Variants in CNTRL observed in about 807,000 individuals in gnomAD.
CNTRL encodes the protein 110 kDa centrosomal protein.
A neutral mutation model predicts 303.7 loss-of-function variants in CNTRL; 233 were observed. The observed-to-expected ratio is 0.77, with a 90% confidence interval of 0.69 to 0.86. The LOEUF (loss-of-function observed/expected upper bound fraction) is 0.86. Ranked by LOEUF, CNTRL falls within the 40% of genes least tolerant of loss-of-function variation. The pLI is 0.00. For synonymous variants in CNTRL, 900 were observed against 922.2 expected (o/e 0.98, Z 0.44); for missense variants, 2,524 against 2,650.6 (o/e 0.95, Z 1.05).
Position 121,140,723 on chromosome 9 carries a change from A to G in CNTRL, c.2420A>G (p.Glu807Gly), listed in dbSNP as rs143382241. ...NHVVDGLVRP[E>G]EVAARVDELR... ...GTGGTTGATGGTTTGGTTCGTCCAG[A>G]AGAAGTGGCAGCTCGTGTGGATGAG... The change falls in exon 17 of 44, where the codon GAA (glutamate) becomes GGA (glycine). Residue 807 changes from glutamate to glycine, a missense_variant. Physicochemically the swap from Glu to Gly is moderately conservative, Grantham distance 98. Coordinates refer to ENST00000373855, the MANE Select transcript of CNTRL (RefSeq NM_007018.6). 6.1e-5 allele frequency: 98 copies of G among 1,613,718 alleles called. No homozygotes were observed. The African/African-American group carries it at 1.2e-3, about 20-fold the overall frequency.
At chr9:121,163,190 AT>A (rs3047907) in intron 34 of CNTRL, among the ~76,000 whole-genome samples, 55,932 of 144,342 alleles carry the variant, frequency 0.39, 11,455 homozygotes, top group South Asian at 0.63. Flanking sequence ...AAAAAAAAAA[AT>A]AATAATAAAA....
intron 14 of CNTRL, 31 bp downstream of exon 14, chr9:121,125,967 G>C: frequency 6.4e-7 from 1 of 1,555,278 alleles, no homozygotes; most frequent in African/African-American, 1.4e-5. Context: ...ATTTTCCGTA[G>C]CTTCATAAGT....
At chr9:121,120,229 C>T (rs2050167572) in intron 12 of CNTRL, among the ~76,000 whole-genome samples, 1 of 151,826 alleles carries the variant, frequency 6.6e-6, no homozygotes, top group East Asian at 1.9e-4. Context: ...TTTAACTGTT[C>T]CTTTAAGCAT....
chr9:121,149,169 A>C (rs1330903366), intron 24 of CNTRL, among the ~76,000 whole-genome samples: 1 of 152,106 alleles, frequency 6.6e-6, no homozygotes, highest in Non-Finnish European at 1.5e-5. Context: ...CTTTGACTGT[A>C]CTGGAGCATG....
Position 121,138,554 on chromosome 9 carries a change from T to C in CNTRL, c.2212T>C (p.Ser738Pro). The C allele has an allele frequency of 6.2e-7, 1 of 1,613,742 alleles. No individual in the cohort carries two copies. The highest frequency in any genetic ancestry group is 1.1e-5 in the South Asian group (1 of 91,038). Residue 738 changes from serine (S) to proline (P), a missense_variant, in exon 16 of 44, where the codon TCA becomes CCA. Physicochemically the swap from Ser to Pro is moderately conservative, Grantham distance 74 (BLOSUM62 -1). Transcript: ENST00000373855. Reference protein sequence around the residue: ...KVTRLTQLEQSALQAELEKER... With the variant: ...KVTRLTQLEQPALQAELEKER... ...CTTCCTATGGTGACAGTTAGAACAA[T>C]CAGCCCTTCAAGCAGAACTTGAGAA...
At chr9:121,158,572 AG>A in intron 30 of CNTRL, 1 of 311,780 alleles carries the variant, frequency 3.2e-6, no homozygotes, top group Non-Finnish European at 5.9e-6. Flanking sequence ...AAATGGAATT[AG>A]GGTATAAAAA....
At chr9:121,099,156 G>C (rs922984887) in intron 7 of CNTRL, among the ~76,000 whole-genome samples, 1 of 152,152 alleles carries the variant, frequency 6.6e-6, no homozygotes, top group Non-Finnish European at 1.5e-5. Context: ...TAACTGGGAG[G>C]CATCTCCCAG....
intron 1 of CNTRL, among the ~76,000 whole-genome samples, chr9:121,075,471 C>T (rs1244657375): frequency 2.6e-5 from 4 of 152,240 alleles, no homozygotes; most frequent in Non-Finnish European, 5.9e-5. Context: ...GACGGGTTGT[C>T]ACGGTATCGG....
chr9:121,133,802 A>G lies in CNTRL; in HGVS notation c.2026-2004A>G, dbSNP rs895692927. Among the ~76,000 whole-genome samples the G allele has an allele frequency of 3.1e-4, 47 of 152,258 alleles. 1 individual carries two copies. Among genetic ancestry groups the G allele is most frequent in the African/African-American group, 1.0e-3 (42 of 41,544 alleles). ...ATCTCGGAACGGGATTCAATTTTATATATATTTTTATACAGATTTTTTTTC... is the reference window on the plus strand; with the variant it reads ...ATCTCGGAACGGGATTCAATTTTATGTATATTTTTATACAGATTTTTTTTC... On this transcript the variant is annotated intron_variant, in intron 14 of 43. Coordinates refer to ENST00000373855, the MANE Select transcript of CNTRL (RefSeq NM_007018.6).
chr9:121,142,147 T>C lies in CNTRL; in HGVS notation c.2748T>C (p.Ile916=). 2 of 1,611,080 alleles carry C rather than the reference T, an allele frequency of 1.2e-6. No homozygotes were observed. Among genetic ancestry groups the C allele is most frequent in the Non-Finnish European group, 1.7e-6 (2 of 1,178,762 alleles). Residue 916 remains isoleucine, a synonymous_variant, in exon 19 of 44, where the codon ATT becomes ATC. Coordinates refer to ENST00000373855, the MANE Select transcript of CNTRL (RefSeq NM_007018.6). ...EARIQQMENE[I]HYLQENLKSM... ...GAATCCAGCAAATGGAGAATGAAAT[T>C]CACTATTTGCAAGAAAATCTAAAAA...
chr9:121,093,172 T>TGGA (rs2048742179), intron 4 of CNTRL, among the ~76,000 whole-genome samples: 1 of 152,164 alleles, frequency 6.6e-6, no homozygotes, highest in Non-Finnish European at 1.5e-5. Context: ...CTTTATTCAC[T>TGGA]ACTTTGTTTC....
At chr9:121,149,547 A>G (rs1588266805) in intron 24 of CNTRL, among the ~76,000 whole-genome samples, 1 of 152,170 alleles carries the variant, frequency 6.6e-6, no homozygotes, top group Non-Finnish European at 1.5e-5. Flanking sequence ...CTGGGATTAC[A>G]GGCGTGCACC....
At chr9:121,097,621 A>ACAG (rs1383615164) in intron 6 of CNTRL, among the ~76,000 whole-genome samples, 1 of 152,202 alleles carries the variant, frequency 6.6e-6, no homozygotes, top group Non-Finnish European at 1.5e-5. Flanking sequence ...CCCATGTTGT[A>ACAG]CAGCATCACC....
intron 23 of CNTRL, among the ~76,000 whole-genome samples, chr9:121,147,748 T>G (rs1046628581): frequency 6.6e-6 from 1 of 152,170 alleles, no homozygotes; most frequent in Non-Finnish European, 1.5e-5. Context: ...ACACACTAGG[T>G]TCTCAGGGCT....
rs200168193 is a variant in CNTRL, at chr9:121,138,501, A to G, written c.2203-44A>G. The G allele has an allele frequency of 8.4e-5, 133 of 1,582,436 alleles. No homozygotes were observed. In the African/African-American group the frequency reaches 1.6e-3, roughly 19 times the overall value. On this transcript the variant is annotated intron_variant, in intron 15 of 43. Coordinates refer to ENST00000373855, the MANE Select transcript of CNTRL (RefSeq NM_007018.6). ...TTTGTGCCTTTTAAAATCATAAATTATTGCTGTTTTACACTTTCATGTCAT... is the reference window on the plus strand; with the variant it reads ...TTTGTGCCTTTTAAAATCATAAATTGTTGCTGTTTTACACTTTCATGTCAT...
intron 30 of CNTRL, 91 bp from the exon 31 acceptor site, chr9:121,158,764 T>C: frequency 7.9e-7 from 1 of 1,258,360 alleles, no homozygotes; most frequent in Non-Finnish European, 1.1e-6. Flanking sequence ...TATTAGCTCC[T>C]GATTTTACCT....
chr9:121,149,768 A>C (rs1054611319), intron 24 of CNTRL, among the ~76,000 whole-genome samples: 2 of 152,156 alleles, frequency 1.3e-5, no homozygotes, highest in African/African-American at 4.8e-5. Flanking sequence ...ATCAGCAAAC[A>C]TATTTCCTGG....
intron 2 of CNTRL, among the ~76,000 whole-genome samples, chr9:121,083,156 A>C (rs953085860): frequency 6.6e-6 from 1 of 152,106 alleles, no homozygotes; most frequent in Non-Finnish European, 1.5e-5. Context: ...CTTTATAAAC[A>C]CTGTACACTT....
At chr9:121,157,429 T>A (rs2131678385) in intron 27 of CNTRL, 41 bp from the exon 28 acceptor site, 1 of 1,600,096 alleles carries the variant, frequency 6.2e-7, no homozygotes, top group South Asian at 1.1e-5. Context: ...TGTGAGTGAG[T>A]ATTGTAACTG....
Sources: gnomAD v4.1 joint callset for allele counts (sites outside exome capture counted in the v4.1 genomes callset) on GRCh38, gnomAD v4.1.1 for gene constraint, MANE v1.5 for transcripts, NCBI Gene and HGNC (gene_info 2026-07-23, HGNC 2026-07-21) for gene names.